Variants in SLF2 observed in about 807,000 individuals in gnomAD.
SLF2 encodes SMC5-SMC6 complex localization factor protein 2.
Under a neutral mutation model 124.3 loss-of-function variants are expected in SLF2, and 68 were observed. That is an observed-to-expected ratio of 0.55 (90% CI 0.45 to 0.67). The LOEUF (loss-of-function observed/expected upper bound fraction) is 0.67, where lower values mean the gene tolerates loss of function less well. Among genes scored for constraint, SLF2 ranks in the 30% least tolerant of loss-of-function variants. The pLI is 0.00. For missense variants in SLF2, 1,246 were observed against 1,373.7 expected, an observed-to-expected ratio of 0.91 and a Z score of 1.47; for synonymous variants, 480 against 478.8, an observed-to-expected ratio of 1.00 and a Z score of -0.03.
At position 100,924,455 on chromosome 10, in the gene SLF2, C is replaced by T. The variant is rs1466483554; in HGVS notation, c.1454C>T (p.Ser485Phe). The change falls in exon 5 of 20, where the codon TCT becomes TTT. Residue 485 changes from serine (S) to phenylalanine (F), a missense_variant. Coordinates refer to ENST00000238961, the MANE Select transcript of SLF2 (RefSeq NM_018121.4). ...TCCCGTGTTCCAAGTGCTGGTTCCT[C>T]TCTAGTACCATTAAATGCTAAAAAT... is the stretch of plus-strand genomic sequence containing the variant. ...LLSRVPSAGS[S>F]LVPLNAKNCA... 4 of 1,614,188 alleles carry T rather than the reference C, an allele frequency of 2.5e-6. No individual in the cohort carries two copies. In the Admixed American group the frequency reaches 6.7e-5, roughly 27 times the overall value.
At chr10:100,933,097 A>T (rs1272801080) in intron 9 of SLF2, among the ~76,000 whole-genome samples, 2 of 152,152 alleles carry the variant, frequency 1.3e-5, no homozygotes, top group African/African-American at 4.8e-5. Flanking sequence ...GAAAGACCCC[A>T]TATCAAAAAA....
In SLF2 at chr10:100,913,172, C is replaced by A. The variant is rs1359448746; in HGVS notation, c.62C>A (p.Ser21Ter). ...CCCTCATCCCCAGCCCCGGGGTCGT[C>A]GCCCCCGCGCTGCCATCTGAGACCC... ...GFPSSPAPGS[S>*]PPRCHLRPGS... Residue 21 changes from serine (S) to a stop codon, truncating the protein, a stop_gained, in exon 1 of 20, where the codon TCG (serine) becomes TAG (stop). Coordinates refer to ENST00000238961, the MANE Select transcript of SLF2 (RefSeq NM_018121.4). LOFTEE classifies it high-confidence loss of function. The A allele has an allele frequency of 1.2e-6, 2 of 1,613,470 alleles. No individual in the cohort carries two copies. Among genetic ancestry groups the A allele is most frequent in the South Asian group, 1.1e-5 (1 of 90,976 alleles).
intron 11 of SLF2, among the ~76,000 whole-genome samples, chr10:100,940,183 TCTTA>T (rs561491028): frequency 5.7e-4 from 87 of 152,352 alleles, no homozygotes; most frequent in African/African-American, 1.9e-3. Flanking sequence ...TTTGAATTTT[TCTTA>T]CTTTAGTGAG....
intron 3 of SLF2, among the ~76,000 whole-genome samples, chr10:100,917,842 G>A (rs1324223204): frequency 6.6e-6 from 1 of 152,138 alleles, no homozygotes; most frequent in Admixed American, 6.5e-5. Context: ...TACTTTGGGA[G>A]GCCTAGGTGG....
intron 17 of SLF2, 36 bp downstream of exon 17, chr10:100,950,789 A>T (rs1850196616): frequency 6.6e-7 from 1 of 1,511,512 alleles, no homozygotes; most frequent in African/African-American, 1.4e-5. Flanking sequence ...GCTGTTTTTA[A>T]ATAGGTGTTA....
At chr10:100,947,488 TA>T (rs1317227204) in intron 14 of SLF2, among the ~76,000 whole-genome samples, 3 of 151,982 alleles carry the variant, frequency 2.0e-5, no homozygotes, top group Non-Finnish European at 4.4e-5. Context: ...ATTTCATCAG[TA>T]AAAAAATAGG....
At position 100,947,817 on chromosome 10, in the gene SLF2, C is replaced by G. The variant is rs375096414; in HGVS notation, c.3090C>G (p.His1030Gln). 6.2e-7 allele frequency: 1 copy of G among 1,611,740 alleles called. No homozygotes were observed. Among genetic ancestry groups the G allele is most frequent in the Admixed American group, 1.7e-5 (1 of 60,004 alleles). The change falls in exon 15 of 20, where the codon CAC (histidine) becomes CAG (glutamine). Residue 1030 changes from histidine to glutamine, a missense_variant. By Grantham distance (24) the His-to-Gln change is conservative. Transcript: ENST00000238961. ...VIISKLLDEK[H>Q]EDVPNASNLQ... ...TTTCAAAGCTTTTGGATGAGAAACA[C>G]GAAGATGTTCCTAATGCCAGTAATC...
chr10:100,961,192 T>C (rs1439861811), intron 19 of SLF2, among the ~76,000 whole-genome samples: 2 of 151,718 alleles, frequency 1.3e-5, no homozygotes, highest in Non-Finnish European at 2.9e-5. Context: ...TTGTATTTTT[T>C]AGTAGAGACA....
intron 17 of SLF2, among the ~76,000 whole-genome samples, chr10:100,951,641 T>C (rs1850215836): frequency 6.6e-6 from 1 of 152,238 alleles, no homozygotes; most frequent in South Asian, 2.1e-4. Flanking sequence ...GGCTTGGGAC[T>C]CCAGTTACAC....
Position 100,916,914 on chromosome 10 carries a change from CTATT to C in SLF2, c.530_533del (p.Leu177ProfsTer63). The C allele has an allele frequency of 6.2e-7, 1 of 1,614,160 alleles. No homozygotes were observed. The highest frequency in any genetic ancestry group is 1.3e-5 in the African/African-American group (1 of 75,034). ...TCGATCCCCAGAGAGAAGGAAGTCA[CTATT>C]CATTCATGAAAATAATGAGAAGAAT... On this transcript the variant is annotated frameshift_variant, in exon 3 of 20. Transcript: ENST00000238961. LOFTEE classifies it high-confidence loss of function.
intron 7 of SLF2, among the ~76,000 whole-genome samples, 184 bp from the exon 8 acceptor site, chr10:100,929,646 A>T (rs529278023): frequency 6.6e-6 from 1 of 152,316 alleles, no homozygotes; most frequent in Admixed American, 6.5e-5. Flanking sequence ...ACATAGACAC[A>T]TTTAGTGGCT....
At position 100,913,018 on chromosome 10, in the gene SLF2, C is replaced by T. The variant is rs1849344243; in HGVS notation, c.-93C>T. On this transcript the variant is annotated 5_prime_UTR_variant, in exon 1 of 20. Coordinates refer to ENST00000238961, the MANE Select transcript of SLF2 (RefSeq NM_018121.4). ...GAAGGGGGTGCCGCCCACCTCTGCT[C>T]CGACAGCCTCCCGGAGTCCCAGCAG... 6 of 1,435,492 alleles carry T rather than the reference C, an allele frequency of 4.2e-6. No homozygotes were observed. The highest frequency in any genetic ancestry group is 5.7e-6 in the Non-Finnish European group (6 of 1,046,842). The allele number at this position is 1,435,492 out of a possible 1,614,324, so 88.9% of individuals were successfully genotyped here.
Position 100,938,627 on chromosome 10 carries a change from A to G in SLF2, c.2545A>G (p.Ile849Val), listed in dbSNP as rs1564778567. 3.1e-6 allele frequency: 5 copies of G among 1,612,122 alleles called. No homozygotes were observed. The highest frequency in any genetic ancestry group is 3.4e-6 in the Non-Finnish European group (4 of 1,179,372). Reference protein sequence around the residue: ...TFSDSPVWPWIPSLSDVAAVF... With the variant: ...TFSDSPVWPWVPSLSDVAAVF... ...CAGTGACTCACCAGTTTGGCCATGG[A>G]TCCCATCATTGTCTGATGTAGCAGC... The change falls in exon 11 of 20, where the codon ATC becomes GTC. Residue 849 changes from isoleucine to valine, a missense_variant. Ile to Val is a conservative substitution (Grantham distance 29). Coordinates refer to ENST00000238961, the MANE Select transcript of SLF2 (RefSeq NM_018121.4).
chr10:100,919,344 T>C (rs1849483793), intron 4 of SLF2, among the ~76,000 whole-genome samples: 1 of 152,160 alleles, frequency 6.6e-6, no homozygotes, highest in Non-Finnish European at 1.5e-5. Context: ...CTTGGAATTG[T>C]AGACTGAGTT....
intron 9 of SLF2, 28 bp from the exon 10 acceptor site, chr10:100,937,374 T>C (rs747074753): frequency 6.4e-7 from 1 of 1,553,420 alleles, no homozygotes; most frequent in South Asian, 1.1e-5. Context: ...TTCTTCTTAA[T>C]ATCCTGTCAT....
intron 12 of SLF2, among the ~76,000 whole-genome samples, chr10:100,944,329 A>C (rs1233836365): frequency 1.6e-4 from 24 of 151,836 alleles, no homozygotes; most frequent in Admixed American, 1.6e-3. Flanking sequence ...ACCCGTCTCT[A>C]CTAAAAATAC....
chr10:100,956,613 C>A, intron 18 of SLF2, 76 bp downstream of exon 18: 1 of 1,089,436 alleles, frequency 9.2e-7, no homozygotes, highest in Non-Finnish European at 1.3e-6. Flanking sequence ...TAGAAGCATA[C>A]AGGCCTATAT....
At chr10:100,946,507 A>T (rs1850106988) in intron 13 of SLF2, among the ~76,000 whole-genome samples, 1 of 151,516 alleles carries the variant, frequency 6.6e-6, no homozygotes, top group African/African-American at 2.4e-5. Context: ...CTGTGTATTT[A>T]GTAGAGACAG....
At position 100,961,998 on chromosome 10, in the gene SLF2, C is replaced by A; in HGVS notation, c.*86C>A. The A allele has an allele frequency of 1.7e-6, 2 of 1,189,208 alleles. No homozygotes were observed. The highest frequency in any genetic ancestry group is 2.4e-6 in the Non-Finnish European group (2 of 849,586). The allele number at this position is 1,189,208 out of a possible 1,614,324, so 73.7% of individuals were successfully genotyped here. On this transcript the variant is annotated 3_prime_UTR_variant, in exon 20 of 20. Coordinates refer to ENST00000238961, the MANE Select transcript of SLF2 (RefSeq NM_018121.4). ...GAGTAGAAAGGATTATTACAGAATCCAATGAATGCCAAGAAAATGTACAGC... is the reference window on the plus strand; with the variant it reads ...GAGTAGAAAGGATTATTACAGAATCAAATGAATGCCAAGAAAATGTACAGC...
Sources: gnomAD v4.1 joint callset for allele counts (sites outside exome capture counted in the v4.1 genomes callset) on GRCh38, gnomAD v4.1.1 for gene constraint, MANE v1.5 for transcripts, NCBI Gene and HGNC (gene_info 2026-07-23, HGNC 2026-07-21) for gene names.